PIK3CD: variants seen among roughly 807,000 people sequenced by gnomAD.
PIK3CD encodes phosphatidylinositol 4,5-bisphosphate 3-kinase catalytic subunit delta isoform.
In PIK3CD, 20 loss-of-function variants were observed where a neutral mutation model predicts 122.9. The observed-to-expected ratio is 0.16, with a 90% CI of 0.11 to 0.24. The LOEUF is 0.24. Among genes scored for constraint, PIK3CD ranks in the 10% least tolerant of loss-of-function variants. The pLI, the probability that PIK3CD is intolerant of heterozygous loss-of-function variation, is 1.00. For missense variants in PIK3CD, 787 were observed against 1,406.3 expected (o/e 0.56, Z 7.04); for synonymous variants, 596 against 593.4 (o/e 1.00, Z -0.06).
intron 1 of PIK3CD, chr1:9,672,383 G>T (rs912195608): frequency 2.0e-5 from 3 of 152,078 alleles, no homozygotes; most frequent in African/African-American, 7.2e-5. Flanking sequence ...TACCAAAGAG[G>T]ATGATGAACC....
Position 9,717,618 on chromosome 1 carries a change from C to T in PIK3CD, c.1012C>T (p.Arg338Trp). Residue 338 changes from arginine (R) to tryptophan (W), a missense_variant, in exon 8 of 24, where the codon CGG becomes TGG. Physicochemically the swap from Arg to Trp is moderately radical, Grantham distance 101. Around this residue, in one of 6 missense-constraint regions of PIK3CD, gnomAD observed 592 missense variants for 920.6 expected, o/e 0.64. Transcript: ENST00000377346. This position sits in a 1 kb window ranked among gnomAD's most constrained non-coding sequence, Gnocchi z 5.4. Reference protein sequence around the residue: ...IQGSKVNADERMKLVVQAGLF... With the variant: ...IQGSKVNADEWMKLVVQAGLF... ...GGGCAGCAAAGTGAACGCCGACGAG[C>T]GGATGAAGGTGGGGCTCCTGGGATA... 4 of 1,613,962 alleles carry T rather than the reference C, an allele frequency of 2.5e-6. No individual in the cohort carries two copies. The highest frequency in any genetic ancestry group is 3.4e-6 in the Non-Finnish European group (4 of 1,179,918).
intron 1 of PIK3CD, chr1:9,660,814 A>G (rs765645955): frequency 6.6e-6 from 1 of 152,108 alleles, no homozygotes; most frequent in African/African-American, 2.4e-5. Context: ...GAACATTTGT[A>G]TATAAAATGA....
chr1:9,666,032 T>C (rs1295078360), intron 1 of PIK3CD, among the ~76,000 whole-genome samples: 1 of 152,072 alleles, frequency 6.6e-6, no homozygotes, highest in Non-Finnish European at 1.5e-5. Context: ...CTTCAAGCGA[T>C]TCTCCTGCCT....
Position 9,724,583 on chromosome 1 carries a change from T to C in PIK3CD, c.2864+162T>C, listed in dbSNP as rs1198943706. On this transcript the variant is annotated intron_variant, in intron 22 of 23. Transcript: ENST00000377346. This position sits in a 1 kb window ranked among gnomAD's most constrained non-coding sequence, Gnocchi z 7.3. ...TTTGGAACATGCCCCTGCTCCACCC[T>C]GCAGTGCCCCTTTTGGGCAATGTGG... Among the ~76,000 whole-genome samples the C allele has an allele frequency of 2.0e-5, 3 of 152,178 alleles. No individual in the cohort carries two copies. Among genetic ancestry groups the C allele is most frequent in the Non-Finnish European group, 4.4e-5 (3 of 68,028 alleles).
chr1:9,635,974 G>A, the PIK3CD span, among the ~76,000 whole-genome samples: 5 of 152,200 alleles, frequency 3.3e-5, no homozygotes, highest in East Asian at 1.9e-4. Flanking sequence ...AGAGGGATTC[G>A]CTCTGACTTG....
intron 1 of PIK3CD, among the ~76,000 whole-genome samples, chr1:9,655,439 A>ACCCCCCAC (rs756424437): frequency 1.1e-5 from 1 of 91,206 alleles, no homozygotes; most frequent in Non-Finnish European, 2.3e-5. Context: ...AAACCCAGGA[A>ACCCCCCAC]CCCCCCGCCC....
rs556774249 is a variant in PIK3CD at position 9,709,779 on chromosome 1, G to A, written c.-32-645G>A. ...CCCAGAACTTTGGGAGGCCGAGGTG[G>A]GCGGATCACTTGAAGTTAGGAGTTC... On this transcript the variant is annotated intron_variant, in intron 2 of 23. Coordinates refer to ENST00000377346, the MANE Select transcript of PIK3CD (RefSeq NM_005026.5). 3.3e-5 allele frequency among the ~76,000 whole-genome samples: 5 copies of A among 152,222 alleles called. No individual in the cohort carries two copies. In the South Asian group the frequency reaches 1.0e-3, roughly 32 times the overall value.
chr1:9,631,125 T>C, the PIK3CD span, among the ~76,000 whole-genome samples: 1 of 152,184 alleles, frequency 6.6e-6, no homozygotes, highest in East Asian at 1.9e-4. Context: ...CACTTCTCAG[T>C]GCCACTCACC....
Position 9,718,935 on chromosome 1 carries a change from G to A in PIK3CD, c.1242+20G>A, listed in dbSNP as rs1648015268. 1 of 1,607,800 alleles carries A rather than the reference G, an allele frequency of 6.2e-7. No homozygotes were observed. The highest frequency in any genetic ancestry group is 1.3e-5 in the African/African-American group (1 of 74,886). On this transcript the variant is annotated intron_variant, in intron 9 of 23. Coordinates refer to ENST00000377346, the MANE Select transcript of PIK3CD (RefSeq NM_005026.5). This position sits in a 1 kb window ranked among gnomAD's most constrained non-coding sequence, Gnocchi z 7.2. ...AAGGCGGTGGGTCCCAGGGCCGGCTGGGAGGGGTGCAGACCCCGGAGAGCC... is the reference window on the plus strand; with the variant it reads ...AAGGCGGTGGGTCCCAGGGCCGGCTAGGAGGGGTGCAGACCCCGGAGAGCC...
chr1:9,710,277 G>GGAGGT lies in PIK3CD; in HGVS notation c.-32-143_-32-139dup. On this transcript the variant is annotated intron_variant, in intron 2 of 23. Coordinates refer to ENST00000377346, the MANE Select transcript of PIK3CD (RefSeq NM_005026.5). The surrounding 1 kb of genome is among the most constrained non-coding windows in gnomAD (Gnocchi z 4.7). ...ACCCTGGGCAGGACGAGGCCCTGAG[G>GGAGGT]GAGGTGAGCTTTTTGTACCCGCAGG... 1.4e-6 allele frequency: 1 copy of GGAGGT among 700,348 alleles called. No homozygotes were observed. The highest frequency in any genetic ancestry group is 2.6e-6 in the Non-Finnish European group (1 of 391,130). The allele number at this position is 700,348 out of a possible 1,614,324, so 43.4% of individuals were successfully genotyped here.
At chr1:9,725,635 T>C (rs781087021) in intron 23 of PIK3CD, among the ~76,000 whole-genome samples, 3 of 151,762 alleles carry the variant, frequency 2.0e-5, no homozygotes, top group Admixed American at 6.6e-5. Context: ...TCCCAGCACT[T>C]TGGGGGGCTG....
intron 1 of PIK3CD, among the ~76,000 whole-genome samples, chr1:9,677,783 G>A (rs913815689): frequency 9.2e-5 from 14 of 151,902 alleles, no homozygotes; most frequent in Non-Finnish European, 1.6e-4. Context: ...CATACTGTAC[G>A]TTTTTAATTA....
At chr1:9,654,067 T>TAATACAA (rs1414817836) in intron 1 of PIK3CD, 6 of 1,208,892 alleles carry the variant, frequency 5.0e-6, no homozygotes, top group Admixed American at 2.3e-5. Flanking sequence ...CAAGAGCCCA[T>TAATACAA]CTCTGAGAAA....
At chr1:9,654,005 AG>A (rs763495147) in intron 1 of PIK3CD, 1 of 1,312,876 alleles carries the variant, frequency 7.6e-7, no homozygotes, top group Non-Finnish European at 1.0e-6. Flanking sequence ...CAGGAGTTCA[AG>A]GTTGCAGTAA....
the PIK3CD span, among the ~76,000 whole-genome samples, chr1:9,630,427 T>C: frequency 2.6e-5 from 4 of 152,222 alleles, no homozygotes; most frequent in African/African-American, 9.6e-5. Flanking sequence ...CATGACCACA[T>C]CACTCATGTA....
the PIK3CD span, among the ~76,000 whole-genome samples, chr1:9,633,824 C>G: frequency 0.016 from 2,377 of 152,216 alleles, 73 homozygotes; most frequent in African/African-American, 0.054. Context: ...CCTTCTACCA[C>G]TGGACAATAG....
At chr1:9,665,159 G>A (rs980248546) in intron 1 of PIK3CD, among the ~76,000 whole-genome samples, 16 of 135,378 alleles carry the variant, frequency 1.2e-4, no homozygotes, top group Non-Finnish European at 1.7e-4. Flanking sequence ...AGCCGTGATC[G>A]CACTAATGCA....
At chr1:9,680,361 A>G (rs1645702550) in intron 1 of PIK3CD, among the ~76,000 whole-genome samples, 1 of 152,072 alleles carries the variant, frequency 6.6e-6, no homozygotes. Flanking sequence ...TCTGTAATCC[A>G]AGCACTTTGG....
rs1038657054 is a variant in PIK3CD at position 9,716,160 on chromosome 1, C to T, written c.600+82C>T. 6.8e-6 allele frequency: 8 copies of T among 1,168,556 alleles called. No homozygotes were observed. The African/African-American group carries it at 1.1e-4, about 15-fold the overall frequency. 72.4% of individuals were successfully genotyped at this position (1,168,556 alleles called of 1,614,324 possible). On this transcript the variant is annotated intron_variant, in intron 5 of 23. Transcript: ENST00000377346. Reference sequence around the variant, plus strand: ...CTCTGTGAAACTCCTCAGTCATCCGCAAGCCCCCCTCCCCCAGTGGCATCA... The same window carrying T: ...CTCTGTGAAACTCCTCAGTCATCCGTAAGCCCCCCTCCCCCAGTGGCATCA...
Sources: allele counts gnomAD v4.1 joint callset (sites outside exome capture counted in the v4.1 genomes callset), GRCh38; gene constraint gnomAD v4.1.1; regional missense constraint gnomAD v4.1.1; non-coding constraint Gnocchi (gnomAD v3.1); transcripts MANE v1.5; gene names NCBI Gene and HGNC (gene_info 2026-07-23, HGNC 2026-07-21).